Variants in CPEB3 observed in about 807,000 individuals in gnomAD.
The protein encoded by CPEB3 is cytoplasmic polyadenylation element binding protein 3, also known as cytoplasmic polyadenylation element-binding protein 3.
In CPEB3, 20 loss-of-function variants were observed where a neutral mutation model predicts 67.2. The ratio of observed to expected loss-of-function variants is 0.30; its 90% CI spans 0.21 to 0.43. CPEB3 has a LOEUF of 0.43. Among genes scored for constraint, CPEB3 ranks in the 20% least tolerant of loss-of-function variants. CPEB3 has a pLI of 1.00. For missense variants in CPEB3, 746 were observed against 968.6 expected, an observed-to-expected ratio of 0.77 and a Z score of 3.05; for synonymous variants, 376 against 393.1, an observed-to-expected ratio of 0.96 and a Z score of 0.51.
chr10:92,159,934 T>A (rs957314554), intron 4 of CPEB3, among the ~76,000 whole-genome samples: 1 of 150,440 alleles, frequency 6.6e-6, no homozygotes, highest in East Asian at 1.9e-4. Flanking sequence ...CAAACCTCAA[T>A]GAAAAAAATC....
intron 6 of CPEB3, among the ~76,000 whole-genome samples, chr10:92,136,497 A>AC (rs1846103008): frequency 6.6e-6 from 1 of 152,206 alleles, no homozygotes; most frequent in African/African-American, 2.4e-5. Flanking sequence ...AGGAAAAAAA[A>AC]CTAATAATCT....
intron 1 of CPEB3, among the ~76,000 whole-genome samples, chr10:92,264,697 C>CA (rs1396291564): frequency 1.4e-5 from 2 of 141,124 alleles, no homozygotes; most frequent in African/African-American, 5.3e-5. Flanking sequence ...GCCTGGGTGA[C>CA]AGAGCGAGAC....
chr10:92,277,080 C>T (rs1842024539), intron 1 of CPEB3, among the ~76,000 whole-genome samples: 5 of 152,078 alleles, frequency 3.3e-5, no homozygotes, highest in Admixed American at 2.0e-4. Context: ...GATTTCCAAA[C>T]ATTTGTTCCC....
chr10:92,157,934 TATG>T (rs954582052), intron 4 of CPEB3, among the ~76,000 whole-genome samples: 9 of 152,066 alleles, frequency 5.9e-5, no homozygotes, highest in African/African-American at 1.2e-4. Flanking sequence ...CATCACACCA[TATG>T]ATAATTATTG....
intron 9 of CPEB3, among the ~76,000 whole-genome samples, chr10:92,060,087 T>C (rs1397874070): frequency 6.6e-6 from 1 of 152,062 alleles, no homozygotes; most frequent in Non-Finnish European, 1.5e-5. Context: ...CTGAATGCAG[T>C]GGCTCACTCC....
intron 2 of CPEB3, among the ~76,000 whole-genome samples, chr10:92,193,522 A>G (rs1454965395): frequency 6.6e-6 from 1 of 151,714 alleles, no homozygotes; most frequent in Non-Finnish European, 1.5e-5. Flanking sequence ...CAGTGGTGCA[A>G]TCATGGCTCA....
chr10:92,189,698 ATTTTTTTT>A (rs1035403421), intron 3 of CPEB3, among the ~76,000 whole-genome samples: 4 of 88,056 alleles, frequency 4.5e-5, no homozygotes, highest in South Asian at 3.7e-4. Context: ...GTCTCTAGTG[ATTTTTTTT>A]TTTTTTTTTT....
At chr10:92,215,046 C>T (rs1382344341) in intron 2 of CPEB3, among the ~76,000 whole-genome samples, 4 of 152,004 alleles carry the variant, frequency 2.6e-5, no homozygotes, top group Admixed American at 6.6e-5. Context: ...CGGGGTTTTG[C>T]CATGTTGGCC....
chr10:92,101,210 C>T (rs1330529205), intron 7 of CPEB3, among the ~76,000 whole-genome samples: 1 of 152,130 alleles, frequency 6.6e-6, no homozygotes, highest in Non-Finnish European at 1.5e-5. Context: ...CCCCTCAAAG[C>T]CGTATGTTCT....
intron 1 of CPEB3, among the ~76,000 whole-genome samples, chr10:92,263,220 C>T (rs1564917794): frequency 6.6e-6 from 1 of 152,184 alleles, no homozygotes; most frequent in Non-Finnish European, 1.5e-5. Context: ...GGATTACAGG[C>T]ATGCACCACC....
At chr10:92,117,009 T>A in intron 6 of CPEB3, among the ~76,000 whole-genome samples, 2 of 152,256 alleles carry the variant, frequency 1.3e-5, no homozygotes, top group Middle Eastern at 6.8e-3. Flanking sequence ...GAAGTGTAAA[T>A]TTAATTAAAA....
At chr10:92,280,407 G>T (rs1170762144) in intron 1 of CPEB3, among the ~76,000 whole-genome samples, 1 of 148,256 alleles carries the variant, frequency 6.7e-6, no homozygotes, top group African/African-American at 2.5e-5. Flanking sequence ...GATCCCTAAG[G>T]GGTCCAGGGA....
intron 4 of CPEB3, among the ~76,000 whole-genome samples, chr10:92,158,864 T>C (rs572941705): frequency 6.6e-6 from 1 of 152,354 alleles, no homozygotes; most frequent in South Asian, 2.1e-4. Context: ...CATGTATCAC[T>C]AAAAGATCCT....
intron 3 of CPEB3, among the ~76,000 whole-genome samples, chr10:92,185,363 G>C (rs747443432): frequency 6.6e-6 from 1 of 152,146 alleles, no homozygotes; most frequent in Non-Finnish European, 1.5e-5. Context: ...TGATAAATAG[G>C]GGTGAGAGGG....
intron 1 of CPEB3, among the ~76,000 whole-genome samples, chr10:92,252,619 CT>C (rs539743470): frequency 4.4e-4 from 65 of 147,784 alleles, no homozygotes; most frequent in Admixed American, 2.9e-3. Context: ...TAGATGCCAA[CT>C]TTTTTTTTTT....
At chr10:92,243,305 G>A (rs1345019231) in intron 1 of CPEB3, 4 of 152,116 alleles carry the variant, frequency 2.6e-5, no homozygotes, top group African/African-American at 9.7e-5. Context: ...GCGCACACAG[G>A]GAACTGTGGG....
intron 6 of CPEB3, among the ~76,000 whole-genome samples, chr10:92,132,401 G>A (rs1412027393): frequency 6.6e-6 from 1 of 152,094 alleles, no homozygotes; most frequent in Non-Finnish European, 1.5e-5. Context: ...AATGTCAAAA[G>A]TAAAGTAATA....
At chr10:92,135,376 A>G (rs1846042577) in intron 6 of CPEB3, among the ~76,000 whole-genome samples, 1 of 152,244 alleles carries the variant, frequency 6.6e-6, no homozygotes, top group Admixed American at 6.5e-5. Context: ...TTCTCAAAAG[A>G]AGACATTTAT....
chr10:92,060,166 G>A (rs1276649595), intron 9 of CPEB3, among the ~76,000 whole-genome samples: 1 of 151,828 alleles, frequency 6.6e-6, no homozygotes, highest in Admixed American at 6.6e-5. Flanking sequence ...AGACCAGCCT[G>A]GTCAACATGG....
Sources: gnomAD v4.1 joint callset for allele counts (sites outside exome capture counted in the v4.1 genomes callset) on GRCh38, gnomAD v4.1.1 for gene constraint, MANE v1.5 for transcripts, NCBI Gene and HGNC (gene_info 2026-07-23, HGNC 2026-07-21) for gene names.